The following QKI variants were observed in gnomAD, a reference collection of about 807,000 sequenced individuals.
QKI encodes the protein KH domain-containing RNA-binding protein QKI.
In QKI, 10 loss-of-function variants were observed where a neutral mutation model predicts 39.0. That is an observed-to-expected ratio of 0.26 (90% CI 0.16 to 0.43). QKI has a LOEUF of 0.43. Among genes scored for constraint, QKI ranks in the 20% least tolerant of loss-of-function variants. The pLI is 1.00. For synonymous variants in QKI, 204 were observed against 155.4 expected (o/e 1.31, Z -2.33); for missense variants, 218 against 428.0 (o/e 0.51, Z 4.33).
At chr6:163,464,187 A>G (rs563573338) in intron 2 of QKI, among the ~76,000 whole-genome samples, 9 of 152,152 alleles carry the variant, frequency 5.9e-5, no homozygotes, top group Non-Finnish European at 1.2e-4. Flanking sequence ...TTAGAAATCT[A>G]TGATATCTCG....
At chr6:163,426,840 T>C (rs867138424) in intron 1 of QKI, among the ~76,000 whole-genome samples, 2 of 152,208 alleles carry the variant, frequency 1.3e-5, no homozygotes, top group South Asian at 4.1e-4. Flanking sequence ...TGGAGACCAA[T>C]GAATTTTTTC....
rs964914638 is a variant in QKI, at chr6:163,459,102, T to C, written c.285+3681T>C. ...TGGTTAGGGTGAAGCCTAGCTTGAT[T>C]GAGGCTAACTGGGTGGGTTTAGATC... On this transcript the variant is annotated intron_variant, in intron 2 of 7. Coordinates refer to ENST00000361752, the MANE Select transcript of QKI (RefSeq NM_006775.3). 3.9e-5 allele frequency among the ~76,000 whole-genome samples: 6 copies of C among 152,186 alleles called. No homozygotes were observed. The East Asian group carries it at 1.2e-3, about 29-fold the overall frequency.
chr6:163,474,313 C>CTTG (rs1167472224), intron 2 of QKI, among the ~76,000 whole-genome samples: 2 of 151,704 alleles, frequency 1.3e-5, no homozygotes, highest in Non-Finnish European at 2.9e-5. Context: ...GTATGCTGAC[C>CTTG]AGTACTGTAA....
chr6:163,553,881 C>T (rs1782418684), intron 4 of QKI, among the ~76,000 whole-genome samples: 1 of 152,104 alleles, frequency 6.6e-6, no homozygotes, highest in Non-Finnish European at 1.5e-5. Flanking sequence ...TTAAGCTTTT[C>T]TGGTTAAATA....
At chr6:163,569,294 C>G in intron 7 of QKI, 2 of 1,030,158 alleles carry the variant, frequency 1.9e-6, no homozygotes, top group Non-Finnish European at 2.3e-6. Flanking sequence ...CTATAGAAAA[C>G]ATTTTTGTCA....
intron 3 of QKI, among the ~76,000 whole-genome samples, chr6:163,497,661 T>C (rs1051839190): frequency 6.6e-6 from 1 of 152,136 alleles, no homozygotes; most frequent in African/African-American, 2.4e-5. Context: ...ATCCATGTTT[T>C]TGTTAAAACC....
chr6:163,551,661 CTTT>C (rs1051372388), intron 4 of QKI, among the ~76,000 whole-genome samples: 2 of 152,218 alleles, frequency 1.3e-5, no homozygotes, highest in African/African-American at 4.8e-5. Context: ...CGCTACTCTT[CTTT>C]GAGGTTGTCA....
intron 4 of QKI, among the ~76,000 whole-genome samples, chr6:163,551,820 T>G (rs553194046): frequency 4.3e-4 from 65 of 152,312 alleles, no homozygotes; most frequent in Non-Finnish European, 9.0e-4. Context: ...GTAAGAGCAG[T>G]TGGAGTGAAT....
At chr6:163,444,895 C>T (rs1391644710) in intron 1 of QKI, among the ~76,000 whole-genome samples, 1 of 151,920 alleles carries the variant, frequency 6.6e-6, no homozygotes, top group Non-Finnish European at 1.5e-5. Context: ...AAGTCCAAAG[C>T]AAACACTTTT....
At position 163,563,548 on chromosome 6, in the gene QKI, A is replaced by C. The variant is rs1489565609; in HGVS notation, c.763A>C (p.Ile255Leu). The C allele has an allele frequency of 6.2e-7, 1 of 1,614,160 alleles. No individual in the cohort carries two copies. Among genetic ancestry groups the C allele is most frequent in the Non-Finnish European group, 8.5e-7 (1 of 1,180,036 alleles). Residue 255 changes from isoleucine to leucine, a missense_variant, in exon 6 of 8, where the codon ATC (isoleucine) becomes CTC (leucine). Transcript: ENST00000361752. Reference sequence around the variant, plus strand: ...AGCTGGCCCTACCATAATGCCTTTGATCAGACAAATACAGACCGCTGTCAT... The same window carrying C: ...AGCTGGCCCTACCATAATGCCTTTGCTCAGACAAATACAGACCGCTGTCAT... ...TPAGPTIMPLIRQIQTAVMPN... is the reference protein window; with the variant it reads ...TPAGPTIMPLLRQIQTAVMPN...
At chr6:163,533,080 G>A (rs1213178506) in intron 3 of QKI, among the ~76,000 whole-genome samples, 1 of 151,602 alleles carries the variant, frequency 6.6e-6, no homozygotes, top group Non-Finnish European at 1.5e-5. Context: ...AGTCAAATAG[G>A]TGCACTTTTA....
intron 3 of QKI, among the ~76,000 whole-genome samples, chr6:163,532,777 G>A (rs2128240680): frequency 6.6e-6 from 1 of 152,288 alleles, no homozygotes; most frequent in Middle Eastern, 3.4e-3. Flanking sequence ...GAATATTTGA[G>A]TGGCAGCTCT....
At chr6:163,504,348 T>C (rs1583114814) in intron 3 of QKI, among the ~76,000 whole-genome samples, 1 of 152,212 alleles carries the variant, frequency 6.6e-6, no homozygotes, top group African/African-American at 2.4e-5. Context: ...TGGGCTCTTT[T>C]TTGGTTACAT....
intron 3 of QKI, among the ~76,000 whole-genome samples, chr6:163,494,908 A>G (rs1187450865): frequency 2.0e-5 from 3 of 148,642 alleles, no homozygotes; most frequent in Admixed American, 2.0e-4. Flanking sequence ...GTCTTTTTTT[A>G]TTATTTATTT....
chr6:163,509,737 TATAG>T (rs779222749), intron 3 of QKI, among the ~76,000 whole-genome samples: 25 of 152,132 alleles, frequency 1.6e-4, no homozygotes, highest in Non-Finnish European at 3.2e-4. Flanking sequence ...ATAATGTATA[TATAG>T]ATATATTGTT....
chr6:163,537,457 A>G (rs1781272712), intron 4 of QKI, among the ~76,000 whole-genome samples: 1 of 152,218 alleles, frequency 6.6e-6, no homozygotes, highest in Non-Finnish European at 1.5e-5. Flanking sequence ...ATGCAACATA[A>G]GGCTCATTAG....
chr6:163,520,530 A>G (rs1370492964), intron 3 of QKI, among the ~76,000 whole-genome samples: 1 of 152,142 alleles, frequency 6.6e-6, no homozygotes, highest in Admixed American at 6.5e-5. Flanking sequence ...AACTATAGAA[A>G]AAAAAAGGTG....
chr6:163,456,659 G>T lies in QKI; in HGVS notation c.285+1238G>T, dbSNP rs571353147. ...ATTGATCTGATACTTTTTTTTAAAG[G>T]TTATATACATTTACTCTGGTTTTAT... On this transcript the variant is annotated intron_variant, in intron 2 of 7. Coordinates refer to ENST00000361752, the MANE Select transcript of QKI (RefSeq NM_006775.3). Among the ~76,000 whole-genome samples, 5 of 152,008 alleles carry T rather than the reference G, an allele frequency of 3.3e-5. No homozygotes were observed. The East Asian group carries it at 9.7e-4, about 29-fold the overall frequency.
At chr6:163,537,159 C>T (rs1249071427) in intron 4 of QKI, among the ~76,000 whole-genome samples, 1 of 152,166 alleles carries the variant, frequency 6.6e-6, no homozygotes, top group Admixed American at 6.5e-5. Context: ...GATAGCACCA[C>T]TGTACGCCAG....
Sources: allele counts gnomAD v4.1 joint callset (sites outside exome capture counted in the v4.1 genomes callset), GRCh38; gene constraint gnomAD v4.1.1; transcripts MANE v1.5; gene names NCBI Gene and HGNC (gene_info 2026-07-23, HGNC 2026-07-21).